Variants in EDNRB observed in about 807,000 individuals in gnomAD.
EDNRB encodes the protein endothelin receptor type B, also known as Hirschsprung disease 2.
Under a neutral mutation model 46.4 loss-of-function variants are expected in EDNRB, and 18 were observed. The ratio of observed to expected loss-of-function variants is 0.39; its 90% confidence interval spans 0.27 to 0.57. The LOEUF is 0.57. Ranked by LOEUF, EDNRB falls within the 20% of genes least tolerant of loss-of-function variation. The pLI is 0.61. For synonymous variants in EDNRB, 213 were observed against 204.9 expected (o/e 1.04, Z -0.34); for missense variants, 434 against 537.5 (o/e 0.81, Z 1.90).
At chr13:77,907,727 C>A (rs1337657543) in intron 1 of EDNRB, among the ~76,000 whole-genome samples, 1 of 151,814 alleles carries the variant, frequency 6.6e-6, no homozygotes, top group African/African-American at 2.4e-5. Context: ...GAATGAGCGT[C>A]CAGACCATTG....
At chr13:77,911,679 C>T (rs889485793) in intron 1 of EDNRB, among the ~76,000 whole-genome samples, 2 of 152,088 alleles carry the variant, frequency 1.3e-5, no homozygotes, top group Middle Eastern at 6.3e-3. Context: ...CTCTCTCCCT[C>T]TCTCCCATCC....
At chr13:77,964,772 T>C (rs758478318) in intron 1 of EDNRB, among the ~76,000 whole-genome samples, 11 of 151,680 alleles carry the variant, frequency 7.3e-5, no homozygotes, top group Non-Finnish European at 1.2e-4. Flanking sequence ...GAACTTAAAG[T>C]ATAATAAAAG....
chr13:77,961,923 T>C (rs1178119897), intron 1 of EDNRB, among the ~76,000 whole-genome samples: 1 of 151,782 alleles, frequency 6.6e-6, no homozygotes, highest in Non-Finnish European at 1.5e-5. Context: ...ATCAAATAGA[T>C]GCAATAAAAA....
intron 6 of EDNRB, among the ~76,000 whole-genome samples, chr13:77,899,062 T>C (rs1231898779): frequency 2.0e-5 from 3 of 151,888 alleles, no homozygotes; most frequent in Non-Finnish European, 1.5e-5. Context: ...ATTCTATTTG[T>C]AAAAGAAAAT....
chr13:77,945,117 G>A (rs1880866207), intron 1 of EDNRB, among the ~76,000 whole-genome samples: 1 of 152,144 alleles, frequency 6.6e-6, no homozygotes, highest in South Asian at 2.1e-4. Context: ...AGCGGTACTA[G>A]TGTCCTATGT....
At chr13:77,950,108 C>A (rs1881047914) in intron 1 of EDNRB, among the ~76,000 whole-genome samples, 1 of 152,130 alleles carries the variant, frequency 6.6e-6, no homozygotes, top group African/African-American at 2.4e-5. Flanking sequence ...AACACAGAGA[C>A]AATAAAACAT....
At chr13:77,952,342 TATC>T (rs1881116406) in intron 1 of EDNRB, among the ~76,000 whole-genome samples, 1 of 152,172 alleles carries the variant, frequency 6.6e-6, no homozygotes, top group African/African-American at 2.4e-5. Context: ...TCAGTGTTAT[TATC>T]TTTAAAGCAA....
At chr13:77,917,656 G>C (rs983042007) in intron 1 of EDNRB, among the ~76,000 whole-genome samples, 1 of 152,158 alleles carries the variant, frequency 6.6e-6, no homozygotes, top group African/African-American at 2.4e-5. Context: ...TGCACTTAGG[G>C]ACTAGATCCT....
At position 77,925,804 on chromosome 13, in the gene EDNRB, T is replaced by G. The variant is rs566224230; in HGVS notation, c.-51-7180A>C. Among the ~76,000 whole-genome samples, 4 of 152,182 alleles carry G rather than the reference T, an allele frequency of 2.6e-5. No individual in the cohort carries two copies. The East Asian group carries it at 5.8e-4, about 22-fold the overall frequency. On this transcript the variant is annotated intron_variant, in intron 1 of 7. Transcript: ENST00000646948. ...CACCGTCCTCCAGACCCCAGAGTGG[T>G]AGATTTACCGACATCTTGCACCGTG...
intron 1 of EDNRB, among the ~76,000 whole-genome samples, chr13:77,937,282 A>T (rs535525961): frequency 3.3e-5 from 5 of 152,130 alleles, no homozygotes; most frequent in Non-Finnish European, 7.3e-5. Context: ...ATACCTGGGG[A>T]ATTTGCCTGA....
intron 1 of EDNRB, among the ~76,000 whole-genome samples, chr13:77,907,583 T>A (rs1202523730): frequency 6.6e-6 from 1 of 152,012 alleles, no homozygotes; most frequent in Non-Finnish European, 1.5e-5. Flanking sequence ...GAACCCTGAC[T>A]AATCCCCCTA....
intron 1 of EDNRB, among the ~76,000 whole-genome samples, chr13:77,963,517 G>A (rs1301492221): frequency 6.6e-6 from 1 of 152,102 alleles, no homozygotes; most frequent in East Asian, 1.9e-4. Flanking sequence ...CAAGCAATGG[G>A]GAAAGGATTC....
chr13:77,918,894 G>A (rs1285870888), upstream of EDNRB: 2 of 1,244,314 alleles, frequency 1.6e-6, no homozygotes, highest in Admixed American at 3.8e-5. This position sits in a 1 kb window ranked among gnomAD's most constrained non-coding sequence, Gnocchi z 4.5. Flanking sequence ...GAAGGGGTGT[G>A]CCAGGGAGGG....
chr13:77,918,726 A>G lies in EDNRB; in HGVS notation c.-153T>C. The stretch of plus-strand genomic sequence containing the variant: ...GCCCGCAGCCTCTTCGCCAGTATCC[A>G]CGCTCAAAAGTAACTCAAGTTTGCG... On this transcript the variant is annotated 5_prime_UTR_variant, in exon 1 of 7. Coordinates refer to ENST00000646607, the MANE Select transcript of EDNRB (RefSeq NM_001122659.3). The surrounding 1 kb of genome is among the most constrained non-coding windows in gnomAD (Gnocchi z 4.5). 7.4e-7 allele frequency: 1 copy of G among 1,344,772 alleles called. No homozygotes were observed. Among genetic ancestry groups the G allele is most frequent in the Non-Finnish European group, 9.5e-7 (1 of 1,052,712 alleles). 83.3% of individuals were successfully genotyped at this position (1,344,772 alleles called of 1,614,324 possible).
At chr13:77,922,166 T>G (rs1455922169), upstream of EDNRB, among the ~76,000 whole-genome samples, 2 of 151,866 alleles carry the variant, frequency 1.3e-5, no homozygotes, top group African/African-American at 4.8e-5. Context: ...TTTTACAAAG[T>G]TGCTTATTTT....
At chr13:77,959,334 G>A (rs1169608660) in intron 1 of EDNRB, among the ~76,000 whole-genome samples, 1 of 152,314 alleles carries the variant, frequency 6.6e-6, no homozygotes, top group South Asian at 2.1e-4. Context: ...GTTCCCCTCT[G>A]AGACGAAGCT....
At chr13:77,905,064 A>T (rs1879204831) in intron 1 of EDNRB, among the ~76,000 whole-genome samples, 1 of 151,970 alleles carries the variant, frequency 6.6e-6, no homozygotes, top group Non-Finnish European at 1.5e-5. Context: ...GTAGGACAAA[A>T]GTTGGCAGAC....
Position 77,903,136 on chromosome 13 carries a change from A to T in EDNRB, c.801+20T>A, listed in dbSNP as rs370977355. 5.0e-6 allele frequency: 8 copies of T among 1,611,990 alleles called. No individual in the cohort carries two copies. The African/African-American group carries it at 8.0e-5, about 16-fold the overall frequency. ...TTATAAGGCAAGAGCAGAAAGGAAA[A>T]TAAAAAAAGTGAAATTTACCTGCAT... is the stretch of plus-strand genomic sequence containing the variant. On this transcript the variant is annotated intron_variant, in intron 3 of 6. Transcript: ENST00000646607.
upstream of EDNRB, among the ~76,000 whole-genome samples, chr13:77,921,335 A>G (rs1312967968): frequency 1.3e-5 from 2 of 152,222 alleles, no homozygotes; most frequent in African/African-American, 4.8e-5. Flanking sequence ...CACATTCCTC[A>G]TTTGGAATTT....
Sources: gnomAD v4.1 joint callset for allele counts (sites outside exome capture counted in the v4.1 genomes callset) on GRCh38, gnomAD v4.1.1 for gene constraint, Gnocchi (gnomAD v3.1) non-coding constraint, MANE v1.5 for transcripts, NCBI Gene and HGNC (gene_info 2026-07-23, HGNC 2026-07-21) for gene names.